MYO9B: variants seen among roughly 807,000 people sequenced by gnomAD.
The protein encoded by MYO9B is unconventional myosin-IXb.
In MYO9B, 71 loss-of-function variants were observed where a neutral mutation model predicts 229.5. The observed-to-expected ratio is 0.31, with a 90% CI of 0.26 to 0.38. MYO9B has a LOEUF of 0.38. Ranked by LOEUF, MYO9B falls within the 10% of genes least tolerant of loss-of-function variation. The pLI is 1.00. For missense variants in MYO9B, 2,255 were observed against 2,920.5 expected (o/e 0.77, Z 5.25); for synonymous variants, 1,185 against 1,235.8 (o/e 0.96, Z 0.86).
intron 1 of MYO9B, among the ~76,000 whole-genome samples, chr19:17,076,391 C>G (rs1044068357): frequency 2.0e-5 from 3 of 151,968 alleles, no homozygotes; most frequent in Non-Finnish European, 2.9e-5. Context: ...GGGTTCTGAA[C>G]TAACTGATGC....
Position 17,200,916 on chromosome 19 carries a change from A to G in MYO9B, c.4563+87A>G, listed in dbSNP as rs114090615. ...CAGGCATTGTTTTCTGAAACACACAACACAGGGTTTAGCAGGTCAAGAATA... is the reference window on the plus strand; with the variant it reads ...CAGGCATTGTTTTCTGAAACACACAGCACAGGGTTTAGCAGGTCAAGAATA... On this transcript the variant is annotated intron_variant, in intron 26 of 39. Coordinates refer to ENST00000682292, the MANE Select transcript of MYO9B (RefSeq NM_004145.4). 4,736 of 1,438,788 alleles carry G rather than the reference A, an allele frequency of 3.3e-3. 120 individuals carry two copies. The African/African-American group carries it at 0.059, about 18-fold the overall frequency. The allele number at this position is 1,438,788 out of a possible 1,614,324, so 89.1% of individuals were successfully genotyped here.
intron 2 of MYO9B, among the ~76,000 whole-genome samples, chr19:17,116,684 A>G (rs2057907086): frequency 1.3e-5 from 2 of 152,018 alleles, no homozygotes; most frequent in Admixed American, 1.3e-4. Context: ...GGAAAGAGGG[A>G]ATGGAGGGAG....
intron 35 of MYO9B, 88 bp from the exon 36 acceptor site, chr19:17,209,498 C>T: frequency 7.0e-7 from 1 of 1,422,924 alleles, no homozygotes; most frequent in Non-Finnish European, 9.5e-7. Context: ...CAACCACTGC[C>T]CCCCAGGCAC....
intron 31 of MYO9B, among the ~76,000 whole-genome samples, 183 bp downstream of exon 31, chr19:17,205,519 C>T (rs911590120): frequency 2.0e-5 from 3 of 152,212 alleles, no homozygotes; most frequent in African/African-American, 7.2e-5. Flanking sequence ...TTGAGGCCCT[C>T]AGGCAGGGCC....
At chr19:17,078,000 C>CTCA (rs1430314835) in intron 1 of MYO9B, among the ~76,000 whole-genome samples, 2 of 152,116 alleles carry the variant, frequency 1.3e-5, no homozygotes, top group African/African-American at 4.8e-5. Context: ...CAGGTAGAGA[C>CTCA]GTGGGAATCT....
At chr19:17,192,606 A>C (rs375675971) in intron 20 of MYO9B, 140 bp from the exon 21 acceptor site, 1 of 148,116 alleles carries the variant, frequency 6.8e-6, no homozygotes, top group Non-Finnish European at 8.8e-6. Context: ...AAAAAATAAT[A>C]AATAAATAAA....
chr19:17,147,672 A>ATTTT (rs1027030377), intron 3 of MYO9B, among the ~76,000 whole-genome samples: 18 of 81,240 alleles, frequency 2.2e-4, no homozygotes, highest in East Asian at 3.6e-4. Flanking sequence ...ACTATGTTTA[A>ATTTT]TTTTTTTTTT....
chr19:17,129,150 G>A (rs1408818424), intron 2 of MYO9B, among the ~76,000 whole-genome samples: 1 of 152,130 alleles, frequency 6.6e-6, no homozygotes, highest in Admixed American at 6.6e-5. Context: ...TGCGATCCCA[G>A]CACTTTTGGG....
rs2057740979 is a variant in MYO9B, at chr19:17,101,138, C to T, written c.-58-522C>T. On this transcript the variant is annotated intron_variant, in intron 1 of 39. Coordinates refer to ENST00000682292, the MANE Select transcript of MYO9B (RefSeq NM_004145.4). This position sits in a 1 kb window ranked among gnomAD's most constrained non-coding sequence, Gnocchi z 4.7. Reference sequence around the variant, plus strand: ...GATGGAGCAAACTCAGGGGAAGGGTCAGGTCTTGGGGTTGTCTGATGATGT... The same window carrying T: ...GATGGAGCAAACTCAGGGGAAGGGTTAGGTCTTGGGGTTGTCTGATGATGT... 6.6e-6 allele frequency among the ~76,000 whole-genome samples: 1 copy of T among 151,116 alleles called. No homozygotes were observed. Among genetic ancestry groups the T allele is most frequent in the South Asian group, 2.1e-4 (1 of 4,764 alleles).
In MYO9B at chr19:17,102,391, C is replaced by A. The variant is rs376266542; in HGVS notation, c.674C>A (p.Thr225Asn). The A allele has an allele frequency of 6.2e-7, 1 of 1,614,004 alleles. No individual in the cohort carries two copies. Among genetic ancestry groups the A allele is most frequent in the Non-Finnish European group, 8.5e-7 (1 of 1,179,910 alleles). Residue 225 changes from threonine to asparagine, a missense_variant, in exon 2 of 40, where the codon ACC (threonine) becomes AAC (asparagine). Transcript: ENST00000682292. ...VFALADVAYY[T>N]MLRKRVNQCI... ...GCGCTGGCCGACGTGGCCTACTACA[C>A]CATGCTCAGGAAGCGCGTGAACCAG...
At chr19:17,115,219 T>A (rs185800003) in intron 2 of MYO9B, among the ~76,000 whole-genome samples, 301 of 152,260 alleles carry the variant, frequency 2.0e-3, no homozygotes, top group Middle Eastern at 6.8e-3. Context: ...AATCTGCCAG[T>A]GCCTATCTCT....
chr19:17,136,181 G>A (rs2072267255), intron 2 of MYO9B, among the ~76,000 whole-genome samples: 1 of 152,140 alleles, frequency 6.6e-6, no homozygotes, highest in Non-Finnish European at 1.5e-5. Flanking sequence ...GGACCACATA[G>A]GTGAGGCTGG....
chr19:17,192,727 C>A lies in MYO9B; in HGVS notation c.2812-19C>A. ...TCAGGGGCAGTGCAGCTGACCCCAC[C>A]TGACCCCGTGCCCACCAGGTCTTCC... On this transcript the variant is annotated intron_variant, in intron 20 of 39. Coordinates refer to ENST00000682292, the MANE Select transcript of MYO9B (RefSeq NM_004145.4). The A allele has an allele frequency of 6.6e-7, 1 of 1,507,008 alleles. No individual in the cohort carries two copies. The highest frequency in any genetic ancestry group is 8.9e-7 in the Non-Finnish European group (1 of 1,121,776). The allele number at this position is 1,507,008 out of a possible 1,614,324, so 93.4% of individuals were successfully genotyped here.
At position 17,202,032 on chromosome 19, in the gene MYO9B, G is replaced by T. The variant is rs369715084; in HGVS notation, c.4662+8G>T. ...ACGATGTACTCTGTCCCGGTATGTG[G>T]CGGCCCGGCCTTCAGCCTTTCCCAT... On this transcript the variant is annotated splice_region_variant and intron_variant, in intron 27 of 39. Transcript: ENST00000682292. 4.3e-5 allele frequency: 69 copies of T among 1,611,834 alleles called. No homozygotes were observed. The Admixed American group carries it at 5.7e-4, about 13-fold the overall frequency.
intron 2 of MYO9B, among the ~76,000 whole-genome samples, chr19:17,123,628 A>G (rs138564104): frequency 1.3e-3 from 195 of 152,036 alleles, no homozygotes; most frequent in African/African-American, 4.5e-3. Context: ...TTTAGTAGAG[A>G]CGGGTCTTGA....
At position 17,184,868 on chromosome 19, in the gene MYO9B, C is replaced by T. The variant is rs760945349; in HGVS notation, c.2377C>T (p.Leu793=). The change falls in exon 17 of 40, where the codon CTA becomes TTA. Residue 793 remains leucine, a synonymous_variant. Coordinates refer to ENST00000682292, the MANE Select transcript of MYO9B (RefSeq NM_004145.4). ...GGACCCCATGTGTCTGTCCTAGAAC[C>T]TACTGGACTCCAAGTCCCTGAAACT... ...IKQKQIIPKN[L]LDSKSLKLII... is the part of the protein sequence containing the mutation. 6.2e-7 allele frequency: 1 copy of T among 1,613,820 alleles called. No individual in the cohort carries two copies. The highest frequency in any genetic ancestry group is 1.1e-5 in the South Asian group (1 of 91,084).
chr19:17,144,831 G>A (rs1346070613), intron 2 of MYO9B, among the ~76,000 whole-genome samples: 4 of 151,740 alleles, frequency 2.6e-5, no homozygotes, highest in Non-Finnish European at 4.4e-5. Context: ...TTGGCCAGGC[G>A]TGGCAGCGTG....
chr19:17,205,172 C>G, intron 30 of MYO9B, 91 bp from the exon 31 acceptor site: 1 of 799,570 alleles, frequency 1.3e-6, no homozygotes, highest in Non-Finnish European at 1.9e-6. Flanking sequence ...AAAAAGAAGG[C>G]AATTGGCGGC....
At chr19:17,094,076 C>G (rs1473585929) in intron 1 of MYO9B, among the ~76,000 whole-genome samples, 1 of 140,326 alleles carries the variant, frequency 7.1e-6, no homozygotes, top group African/African-American at 2.8e-5. Context: ...TGCTCTGTTC[C>G]CCGGGCTGGA....
Sources: allele counts gnomAD v4.1 joint callset (sites outside exome capture counted in the v4.1 genomes callset), GRCh38; gene constraint gnomAD v4.1.1; non-coding constraint Gnocchi (gnomAD v3.1); transcripts MANE v1.5; gene names NCBI Gene and HGNC (gene_info 2026-07-23, HGNC 2026-07-21).